SOX5: variants seen among roughly 807,000 people sequenced by gnomAD.
SOX5 encodes the protein SRY-box transcription factor 5, also known as transcription factor SOX-5.
SOX5 carries 9 observed loss-of-function variants against 92.0 expected under a neutral mutation model. That is an observed-to-expected ratio of 0.10 (90% CI 0.06 to 0.17). SOX5 has a LOEUF of 0.17. SOX5 is among the 10% of genes least tolerant of loss of function. The probability of loss-of-function intolerance (pLI) is 1.00; values close to 1 mark genes in which losing one functional copy is unlikely to be tolerated. For missense variants in SOX5, 642 were observed against 944.5 expected (o/e 0.68, Z 4.20); for synonymous variants, 344 against 336.3 (o/e 1.02, Z -0.25).
At chr12:23,990,366 T>C (rs1244243483) in intron 4 of SOX5, among the ~76,000 whole-genome samples, 1 of 152,176 alleles carries the variant, frequency 6.6e-6, no homozygotes, top group Non-Finnish European at 1.5e-5. Context: ...ATCAAGGACC[T>C]TGACGATCTA....
At chr12:24,401,317 A>T (rs1355623988) in intron 1 of SOX5, among the ~76,000 whole-genome samples, 2 of 148,534 alleles carry the variant, frequency 1.3e-5, no homozygotes, top group African/African-American at 2.5e-5. Context: ...GTGCCACTGC[A>T]CTCCAGCCTG....
intron 1 of SOX5, among the ~76,000 whole-genome samples, chr12:24,439,216 T>C (rs1940030780): frequency 6.6e-6 from 1 of 152,218 alleles, no homozygotes; most frequent in Non-Finnish European, 1.5e-5. Flanking sequence ...TTAATTAAGG[T>C]ATGTACGTTC....
chr12:23,833,326 G>T (rs1437235401), intron 3 of SOX5, among the ~76,000 whole-genome samples: 1 of 151,834 alleles, frequency 6.6e-6, no homozygotes, highest in Non-Finnish European at 1.5e-5. Flanking sequence ...CCCCAATCTG[G>T]AGCCCATCAT....
intron 4 of SOX5, among the ~76,000 whole-genome samples, chr12:24,004,267 T>A (rs1951909579): frequency 6.7e-6 from 1 of 149,580 alleles, no homozygotes; most frequent in Non-Finnish European, 1.5e-5. Context: ...TAAAAACAAC[T>A]GATAAACTGA....
intron 4 of SOX5, among the ~76,000 whole-genome samples, chr12:24,076,766 C>T (rs1335263582): frequency 7.7e-6 from 1 of 130,616 alleles, no homozygotes; most frequent in African/African-American, 2.9e-5. Flanking sequence ...GTTTATTTGG[C>T]ATGAGACTTC....
chr12:24,290,494 C>G lies in SOX5; in HGVS notation c.-173-13182G>C, dbSNP rs370268274. Among the ~76,000 whole-genome samples, 11 of 152,236 alleles carry G rather than the reference C, an allele frequency of 7.2e-5. No individual in the cohort carries two copies. In the East Asian group the frequency reaches 1.9e-3, roughly 27 times the overall value. On this transcript the variant is annotated intron_variant, in intron 2 of 4. Transcript: ENST00000446891. ...GGCGGCCATTATTATCCTCATTCCA[C>G]TAGGGGAAGATAAGACCTAGGTAAA...
At chr12:23,928,534 T>C (rs928465414) in intron 1 of SOX5, among the ~76,000 whole-genome samples, 1 of 151,894 alleles carries the variant, frequency 6.6e-6, no homozygotes, top group African/African-American at 2.4e-5. Context: ...TAAGCTGAAA[T>C]ACATAAACTA....
At chr12:23,905,825 AGAGT>A (rs2138162346) in intron 1 of SOX5, among the ~76,000 whole-genome samples, 1 of 152,316 alleles carries the variant, frequency 6.6e-6, no homozygotes, top group East Asian at 1.9e-4. Context: ...TTTACAAGAA[AGAGT>A]ATGGTAATAA....
intron 4 of SOX5, among the ~76,000 whole-genome samples, chr12:23,988,170 TG>T (rs1950226385): frequency 6.6e-6 from 1 of 152,166 alleles, no homozygotes; most frequent in African/African-American, 2.4e-5. Flanking sequence ...TTTACAGTAA[TG>T]GAGGTGACAA....
chr12:24,142,761 G>C (rs1382319754), intron 4 of SOX5, among the ~76,000 whole-genome samples: 1 of 151,576 alleles, frequency 6.6e-6, no homozygotes, highest in Non-Finnish European at 1.5e-5. Flanking sequence ...CTTAGGGAAA[G>C]GGAGCTCAGG....
chr12:24,450,226 A>T (rs903316046), intron 1 of SOX5, among the ~76,000 whole-genome samples: 8 of 152,200 alleles, frequency 5.3e-5, no homozygotes, highest in Non-Finnish European at 1.0e-4. Context: ...ACAATGCACA[A>T]TGTGGAAGCC....
chr12:23,643,323 G>T (rs1427106377), intron 7 of SOX5, among the ~76,000 whole-genome samples: 1 of 152,194 alleles, frequency 6.6e-6, no homozygotes, highest in Non-Finnish European at 1.5e-5. Context: ...AAGCAAGACT[G>T]CCAGGTGGGG....
At chr12:23,978,219 C>CA (rs1277108803) in intron 4 of SOX5, among the ~76,000 whole-genome samples, 1 of 152,052 alleles carries the variant, frequency 6.6e-6, no homozygotes, top group Non-Finnish European at 1.5e-5. Flanking sequence ...TTTCAATGTC[C>CA]AAAAATTTGT....
At chr12:23,652,937 G>GA (rs1294099571) in intron 7 of SOX5, among the ~76,000 whole-genome samples, 3 of 151,966 alleles carry the variant, frequency 2.0e-5, no homozygotes, top group African/African-American at 7.2e-5. Flanking sequence ...TTTAGGGGCT[G>GA]AAAATGTAAC....
At chr12:24,477,250 C>T (rs1359691879) in intron 1 of SOX5, among the ~76,000 whole-genome samples, 1 of 151,932 alleles carries the variant, frequency 6.6e-6, no homozygotes, top group African/African-American at 2.4e-5. Flanking sequence ...TCTCCTGCCT[C>T]AGCCTCTCGA....
chr12:23,819,534 C>A (rs972116472), intron 3 of SOX5, among the ~76,000 whole-genome samples: 2 of 152,066 alleles, frequency 1.3e-5, no homozygotes, highest in Non-Finnish European at 1.5e-5. Context: ...CCCATCAGCC[C>A]GTGATCTACA....
chr12:24,148,310 C>G (rs1951278789), intron 4 of SOX5, among the ~76,000 whole-genome samples: 1 of 151,908 alleles, frequency 6.6e-6, no homozygotes, highest in Admixed American at 6.6e-5. Context: ...GCCTGAACAA[C>G]ATGGTGAAAC....
chr12:24,336,383 G>A (rs531236932), intron 2 of SOX5, among the ~76,000 whole-genome samples: 2 of 152,132 alleles, frequency 1.3e-5, no homozygotes, highest in East Asian at 1.9e-4. Context: ...ATAAGCCACC[G>A]CGTCCAGCCG....
At chr12:23,576,467 TA>T (rs1949119191) in intron 9 of SOX5, among the ~76,000 whole-genome samples, 2 of 152,224 alleles carry the variant, frequency 1.3e-5, no homozygotes. Context: ...GCAACTTATT[TA>T]TATGTCATAC....
Sources: allele counts gnomAD v4.1 joint callset (sites outside exome capture counted in the v4.1 genomes callset), GRCh38; gene constraint gnomAD v4.1.1; transcripts MANE v1.5; gene names NCBI Gene and HGNC (gene_info 2026-07-23, HGNC 2026-07-21).